Variants in DNM3 observed in about 807,000 individuals in gnomAD.
The protein encoded by DNM3 is dynamin-3.
Under a neutral mutation model 101.6 loss-of-function variants are expected in DNM3, and 47 were observed. The ratio of observed to expected loss-of-function variants is 0.46; its 90% CI spans 0.37 to 0.59. DNM3 has a LOEUF of 0.59. DNM3 is among the 20% of genes least tolerant of loss of function. The pLI, the probability that DNM3 is intolerant of heterozygous loss-of-function variation, is 0.00. For missense variants in DNM3, 849 were observed against 1,085.7 expected (o/e 0.78, Z 3.06); for synonymous variants, 385 against 387.9 (o/e 0.99, Z 0.09).
At chr1:172,046,082 G>A (rs190507113) in intron 9 of DNM3, among the ~76,000 whole-genome samples, 16 of 152,148 alleles carry the variant, frequency 1.1e-4, no homozygotes, top group Admixed American at 4.6e-4. Flanking sequence ...TATAAATCAC[G>A]CTGCTATAAA....
At position 172,086,303 on chromosome 1, in the gene DNM3, G is replaced by A. The variant is rs78636110; in HGVS notation, c.1493+4401G>A. Among the ~76,000 whole-genome samples, 1,077 of 152,294 alleles carry A rather than the reference G, an allele frequency of 7.1e-3. 18 individuals are homozygous for A. The highest frequency in any genetic ancestry group is 0.024 in the African/African-American group (1,016 of 41,562). On this transcript the variant is annotated intron_variant, in intron 12 of 20. Coordinates refer to ENST00000627582, the MANE Select transcript of DNM3 (RefSeq NM_015569.5). ...ATTGTTTCTTCTCCCTTTGGCTTCAGTCTGATTGGACGGAGCCTGGACTAT... is the reference window on the plus strand; with the variant it reads ...ATTGTTTCTTCTCCCTTTGGCTTCAATCTGATTGGACGGAGCCTGGACTAT...
intron 2 of DNM3, among the ~76,000 whole-genome samples, chr1:171,955,350 T>C (rs897252753): frequency 1.3e-5 from 2 of 152,212 alleles, no homozygotes; most frequent in Admixed American, 1.3e-4. Context: ...TATAGTTATT[T>C]TAACTTTTAT....
At chr1:171,950,718 A>T (rs2125452506) in intron 2 of DNM3, among the ~76,000 whole-genome samples, 1 of 152,308 alleles carries the variant, frequency 6.6e-6, no homozygotes, top group Non-Finnish European at 1.5e-5. Context: ...AAGGAGCATG[A>T]TTAAACTTTT....
At chr1:172,156,015 T>C (rs952158310) in intron 14 of DNM3, among the ~76,000 whole-genome samples, 1 of 152,080 alleles carries the variant, frequency 6.6e-6, no homozygotes, top group Non-Finnish European at 1.5e-5. Context: ...GAATGTTATT[T>C]ATCATTTGTG....
At chr1:172,396,461 A>G (rs1427350505) in intron 20 of DNM3, among the ~76,000 whole-genome samples, 1 of 152,242 alleles carries the variant, frequency 6.6e-6, no homozygotes, top group African/African-American at 2.4e-5. Flanking sequence ...TGAAATTTAG[A>G]AATAAGCCCC....
At chr1:172,414,751 T>TAAAA (rs11378822), downstream of DNM3, among the ~76,000 whole-genome samples, 3 of 100,186 alleles carry the variant, frequency 3.0e-5, no homozygotes, top group African/African-American at 1.2e-4. Flanking sequence ...ACCTCATCTC[T>TAAAA]AAAAAAAAAA....
intron 1 of DNM3, among the ~76,000 whole-genome samples, chr1:171,894,452 T>C (rs1035145092): frequency 2.0e-5 from 3 of 152,078 alleles, no homozygotes; most frequent in Non-Finnish European, 2.9e-5. Flanking sequence ...TCTCCCAGGC[T>C]GGAGTGCAGT....
At chr1:172,336,777 G>A (rs2066451548) in intron 17 of DNM3, among the ~76,000 whole-genome samples, 1 of 151,690 alleles carries the variant, frequency 6.6e-6, no homozygotes, top group Non-Finnish European at 1.5e-5. Context: ...TCTAATTAGA[G>A]GGATAAGGGA....
intron 16 of DNM3, among the ~76,000 whole-genome samples, chr1:172,314,613 C>G (rs566689956): frequency 6.6e-6 from 1 of 152,210 alleles, no homozygotes; most frequent in East Asian, 1.9e-4. Context: ...GAGGGTCCTA[C>G]GCCCACGGAG....
chr1:172,220,418 T>A (rs1199078255), intron 14 of DNM3, among the ~76,000 whole-genome samples: 1 of 151,986 alleles, frequency 6.6e-6, no homozygotes, highest in Non-Finnish European at 1.5e-5. Context: ...ATATGGAGAA[T>A]GGGGGAAAAC....
intron 14 of DNM3, among the ~76,000 whole-genome samples, chr1:172,219,661 A>G (rs775793141): frequency 6.6e-6 from 1 of 152,104 alleles, no homozygotes; most frequent in East Asian, 1.9e-4. Context: ...ACTCAATCTG[A>G]GAGGCGTCAG....
intron 15 of DNM3, among the ~76,000 whole-genome samples, chr1:172,295,732 G>A (rs1278269854): frequency 6.6e-6 from 1 of 152,070 alleles, no homozygotes; most frequent in Non-Finnish European, 1.5e-5. Flanking sequence ...ACACAGTCAT[G>A]GCAAGATATA....
intron 14 of DNM3, among the ~76,000 whole-genome samples, chr1:172,151,418 C>T (rs2058122299): frequency 6.6e-6 from 1 of 152,154 alleles, no homozygotes; most frequent in Non-Finnish European, 1.5e-5. Flanking sequence ...TAAAACTACA[C>T]ACACATTTTG....
At chr1:172,328,603 A>G (rs1465666282) in intron 17 of DNM3, among the ~76,000 whole-genome samples, 1 of 152,120 alleles carries the variant, frequency 6.6e-6, no homozygotes. Context: ...TCACATGGAC[A>G]CAAAGAAGGG....
At chr1:171,946,360 G>T (rs1023434735) in intron 2 of DNM3, among the ~76,000 whole-genome samples, 1 of 152,196 alleles carries the variant, frequency 6.6e-6, no homozygotes, top group African/African-American at 2.4e-5. Context: ...AATAGGGAAA[G>T]GGGAGGGACA....
At chr1:172,394,283 GC>G (rs1372175395) in intron 20 of DNM3, 1 of 152,210 alleles carries the variant, frequency 6.6e-6, no homozygotes, top group African/African-American at 2.4e-5. Flanking sequence ...TTTAGGCGAG[GC>G]CCAGAAACAG....
chr1:172,036,168 A>G (rs1241879686), intron 6 of DNM3, among the ~76,000 whole-genome samples: 2 of 95,920 alleles, frequency 2.1e-5, no homozygotes, highest in African/African-American at 8.4e-5. Flanking sequence ...CCCCCACCCC[A>G]CAACAGTCCC....
intron 14 of DNM3, among the ~76,000 whole-genome samples, chr1:172,225,261 C>G (rs2061067057): frequency 3.3e-5 from 5 of 149,664 alleles, no homozygotes; most frequent in Admixed American, 2.7e-4. Context: ...TTCTCAGCCT[C>G]CCGAGTAGCT....
intron 10 of DNM3, among the ~76,000 whole-genome samples, chr1:172,051,939 A>G (rs929238079): frequency 2.0e-5 from 3 of 152,056 alleles, no homozygotes; most frequent in East Asian, 1.9e-4. Flanking sequence ...ATAATTGTCT[A>G]TTTGTGTGAA....
Sources: gnomAD v4.1 joint callset for allele counts (sites outside exome capture counted in the v4.1 genomes callset) on GRCh38, gnomAD v4.1.1 for gene constraint, MANE v1.5 for transcripts, NCBI Gene and HGNC (gene_info 2026-07-23, HGNC 2026-07-21) for gene names.